Variants in MBOAT2 observed in about 807,000 individuals in gnomAD.
MBOAT2 encodes the protein membrane-bound glycerophospholipid O-acyltransferase 2.
MBOAT2 carries 28 observed loss-of-function variants against 63.4 expected under a neutral mutation model. The ratio of observed to expected loss-of-function variants is 0.44; its 90% confidence interval spans 0.33 to 0.61. MBOAT2 has a LOEUF of 0.61. Among genes scored for constraint, MBOAT2 ranks in the 20% least tolerant of loss-of-function variants. MBOAT2 has a pLI of 0.03. For synonymous variants in MBOAT2, 211 were observed against 215.6 expected (o/e 0.98, Z 0.19); for missense variants, 470 against 605.8 (o/e 0.78, Z 2.35).
intron 1 of MBOAT2, among the ~76,000 whole-genome samples, chr2:8,983,648 A>AAGG (rs1393418492): frequency 1.3e-5 from 2 of 152,184 alleles, no homozygotes; most frequent in African/African-American, 2.4e-5. Context: ...TTGATGTGAT[A>AAGG]ACTGGTAAAA....
At chr2:8,952,595 T>C (rs1268950459) in intron 2 of MBOAT2, among the ~76,000 whole-genome samples, 1 of 152,220 alleles carries the variant, frequency 6.6e-6, no homozygotes, top group South Asian at 2.1e-4. Context: ...ATCTAAGTGC[T>C]CCAATGTTGC....
chr2:8,905,521 T>C (rs1665266771), intron 4 of MBOAT2, among the ~76,000 whole-genome samples: 1 of 152,158 alleles, frequency 6.6e-6, no homozygotes, highest in African/African-American at 2.4e-5. Flanking sequence ...TGGATGAAGC[T>C]GGAAACCATC....
intron 4 of MBOAT2, among the ~76,000 whole-genome samples, chr2:8,902,338 G>A (rs894634738): frequency 2.0e-5 from 3 of 152,182 alleles, no homozygotes; most frequent in Non-Finnish European, 4.4e-5. Context: ...GTCCCTTTGT[G>A]GTCACCAAAA....
chr2:8,961,319 T>C (rs978354026), intron 1 of MBOAT2, among the ~76,000 whole-genome samples: 1 of 152,248 alleles, frequency 6.6e-6, no homozygotes, highest in African/African-American at 2.4e-5. Context: ...TGCTCTACAC[T>C]GTTAATCTGA....
In MBOAT2 at chr2:8,886,014, T is replaced by C. The variant is rs551579041; in HGVS notation, c.451+2004A>G. Among the ~76,000 whole-genome samples, 57 of 152,318 alleles carry C rather than the reference T, an allele frequency of 3.7e-4. 2 individuals are homozygous for C. The highest frequency in any genetic ancestry group is 3.1e-3 in the Admixed American group (47 of 15,296). ...CACAGTCCCCTACACCGATAGGAAA[T>C]GTCCCCTATGTCTAGCCTATTTGTG... On this transcript the variant is annotated intron_variant, in intron 5 of 12. Coordinates refer to ENST00000305997, the MANE Select transcript of MBOAT2 (RefSeq NM_138799.4).
intron 1 of MBOAT2, among the ~76,000 whole-genome samples, chr2:8,992,621 C>T (rs1048806274): frequency 4.6e-5 from 7 of 152,164 alleles, no homozygotes; most frequent in African/African-American, 1.7e-4. Context: ...TTAAATATAT[C>T]TAAAATTATA....
intron 4 of MBOAT2, among the ~76,000 whole-genome samples, chr2:8,900,356 G>T (rs540840259): frequency 9.2e-5 from 14 of 152,272 alleles, no homozygotes; most frequent in Non-Finnish European, 1.6e-4. Context: ...AAAGGCCAGG[G>T]TTTGATCTAA....
At chr2:8,882,793 A>G (rs1163212816) in intron 5 of MBOAT2, among the ~76,000 whole-genome samples, 2 of 152,244 alleles carry the variant, frequency 1.3e-5, no homozygotes. Context: ...AAGGGGAGTT[A>G]TAATTAAAGA....
intron 1 of MBOAT2, among the ~76,000 whole-genome samples, chr2:8,988,128 T>C (rs1466281213): frequency 6.6e-6 from 1 of 152,192 alleles, no homozygotes; most frequent in Non-Finnish European, 1.5e-5. Flanking sequence ...CTTTTTAAGG[T>C]ACAGATGAAC....
At chr2:8,991,383 A>G (rs1671910721) in intron 1 of MBOAT2, among the ~76,000 whole-genome samples, 1 of 152,192 alleles carries the variant, frequency 6.6e-6, no homozygotes. Flanking sequence ...TGAAATTCCA[A>G]CCTTCCACTG....
intron 1 of MBOAT2, among the ~76,000 whole-genome samples, chr2:8,972,292 T>C (rs1312886248): frequency 6.6e-6 from 1 of 152,126 alleles, no homozygotes; most frequent in Non-Finnish European, 1.5e-5. Context: ...TAATAAATGG[T>C]GCTGGAAAAA....
chr2:8,860,704 C>A lies in MBOAT2; in HGVS notation c.1246G>T (p.Val416Phe). Residue 416 changes from valine (V) to phenylalanine (F), a missense_variant, in exon 12 of 13, where the codon GTT (valine) becomes TTT (phenylalanine). Val to Phe is a conservative substitution (Grantham distance 50). Around this residue, in one of 3 missense-constraint regions of MBOAT2, gnomAD observed 376 missense variants for 503.8 expected, o/e 0.75. Transcript: ENST00000305997. ...EPSQLKLFYDVITWIVTQVAI... is the reference protein window; with the variant it reads ...EPSQLKLFYDFITWIVTQVAI... Reference sequence around the variant, plus strand: ...ACTTGAGTTACTATCCATGTTATAACATCATAAAATAATTTCAGTTGGGAA... The same window carrying A: ...ACTTGAGTTACTATCCATGTTATAAAATCATAAAATAATTTCAGTTGGGAA... 1 of 1,607,590 alleles carries A rather than the reference C, an allele frequency of 6.2e-7. No homozygotes were observed. Among genetic ancestry groups the A allele is most frequent in the South Asian group, 1.1e-5 (1 of 90,502 alleles).
At position 8,873,302 on chromosome 2, in the gene MBOAT2, TGAAAAGCGCAAGGCGAGAC is replaced by T; in HGVS notation, c.691-21_691-3del. 1 of 1,611,572 alleles carries T rather than the reference TGAAAAGCGCAAGGCGAGAC, an allele frequency of 6.2e-7. No individual in the cohort carries two copies. The highest frequency in any genetic ancestry group is 8.5e-7 in the Non-Finnish European group (1 of 1,178,440). On this transcript the variant is annotated splice_region_variant and splice_polypyrimidine_tract_variant and intron_variant, in intron 7 of 12. Coordinates refer to ENST00000305997, the MANE Select transcript of MBOAT2 (RefSeq NM_138799.4). ...TAAGAGCTTCTGAACAACCGCAGTC[TGAAAAGCGCAAGGCGAGAC>T]TTCATCAACTTTATCCATGCTCCTT...
At chr2:8,893,237 T>C (rs970905746) in intron 4 of MBOAT2, among the ~76,000 whole-genome samples, 2 of 152,060 alleles carry the variant, frequency 1.3e-5, no homozygotes, top group South Asian at 2.1e-4. Flanking sequence ...TGGGGTTTCA[T>C]ACCTGGAACC....
intron 1 of MBOAT2, among the ~76,000 whole-genome samples, chr2:8,968,303 C>T (rs1670160008): frequency 6.6e-6 from 1 of 152,172 alleles, no homozygotes; most frequent in Non-Finnish European, 1.5e-5. Context: ...CTCCAACAGA[C>T]CTGCAGCTGA....
chr2:8,957,365 T>G (rs1399122257), intron 2 of MBOAT2, among the ~76,000 whole-genome samples: 1 of 152,202 alleles, frequency 6.6e-6, no homozygotes, highest in Non-Finnish European at 1.5e-5. Flanking sequence ...ACTTGGGTCT[T>G]ATTTAAGAGG....
intron 3 of MBOAT2, among the ~76,000 whole-genome samples, chr2:8,913,245 A>T (rs1440444243): frequency 6.6e-6 from 1 of 152,224 alleles, no homozygotes; most frequent in Non-Finnish European, 1.5e-5. Flanking sequence ...AGAAGATAAC[A>T]TTGGAAAAAC....
intron 8 of MBOAT2, 80 bp from the exon 9 acceptor site, chr2:8,868,629 T>C: frequency 2.7e-6 from 3 of 1,102,122 alleles, no homozygotes; most frequent in Non-Finnish European, 4.0e-6. Context: ...TATGTGTTAT[T>C]ATATCTTTTA....
At chr2:8,960,557 G>A (rs1451562515) in intron 1 of MBOAT2, among the ~76,000 whole-genome samples, 2 of 151,302 alleles carry the variant, frequency 1.3e-5, no homozygotes, top group African/African-American at 2.4e-5. Context: ...TCCCAATCCC[G>A]CTGATCTCCA....
Sources: gnomAD v4.1 joint callset for allele counts (sites outside exome capture counted in the v4.1 genomes callset) on GRCh38, gnomAD v4.1.1 for gene constraint, gnomAD v4.1.1 regional missense constraint, MANE v1.5 for transcripts, NCBI Gene and HGNC (gene_info 2026-07-23, HGNC 2026-07-21) for gene names.